The following NMT2 variants were observed in gnomAD, a reference collection of about 807,000 sequenced individuals.
NMT2 encodes glycylpeptide N-tetradecanoyltransferase 2.
In NMT2, 35 loss-of-function variants were observed where a neutral mutation model predicts 65.4. That is an observed-to-expected ratio of 0.54 (90% CI 0.41 to 0.71). The LOEUF (loss-of-function observed/expected upper bound fraction) is 0.71. Among genes scored for constraint, NMT2 ranks in the 30% least tolerant of loss-of-function variants. The probability of loss-of-function intolerance (pLI) is 0.00; values close to 1 mark genes in which losing one functional copy is unlikely to be tolerated. For synonymous variants in NMT2, 226 were observed against 231.8 expected (o/e 0.98, Z 0.23); for missense variants, 489 against 611.3 (o/e 0.80, Z 2.11).
At chr10:15,141,923 A>G (rs924341009) in intron 1 of NMT2, among the ~76,000 whole-genome samples, 2 of 152,232 alleles carry the variant, frequency 1.3e-5, no homozygotes, top group African/African-American at 4.8e-5. Flanking sequence ...CTCCATTATC[A>G]AGATCTCTTG....
intron 8 of NMT2, among the ~76,000 whole-genome samples, chr10:15,121,613 C>T (rs142295180): frequency 0.019 from 2,847 of 152,268 alleles, 83 homozygotes; most frequent in African/African-American, 0.065. Flanking sequence ...GTGATCTGCC[C>T]ACCTCGGCCT....
chr10:15,111,909 G>T (rs1337162510), intron 10 of NMT2: 1 of 151,614 alleles, frequency 6.6e-6, no homozygotes, highest in Non-Finnish European at 1.5e-5. Flanking sequence ...CAACTCCCAG[G>T]TTCAAGTAAT....
intron 1 of NMT2, among the ~76,000 whole-genome samples, chr10:15,158,560 T>G (rs1004992931): frequency 2.0e-4 from 30 of 152,298 alleles, no homozygotes; most frequent in African/African-American, 6.0e-4. Context: ...AAATCTTTAG[T>G]AAGTTACAAA....
In NMT2 at chr10:15,107,308, A is replaced by C. The variant is rs1170125590; in HGVS notation, c.*1887T>G. The stretch of plus-strand genomic sequence containing the variant: ...AAGCAATGGGCTGGATTTAGCCCAC[A>C]GGCCATAGTTTGGTGGCCCCTGCCT... On this transcript the variant is annotated 3_prime_UTR_variant, in exon 12 of 12. Coordinates refer to ENST00000378165, the MANE Select transcript of NMT2 (RefSeq NM_004808.3). 14 of 969,832 alleles carry C rather than the reference A, an allele frequency of 1.4e-5. No homozygotes were observed. The highest frequency in any genetic ancestry group is 1.7e-5 in the Non-Finnish European group (14 of 815,704). The allele number at this position is 969,832 out of a possible 1,614,324, so 60.1% of individuals were successfully genotyped here. A position where few individuals can be genotyped will look rare whatever the true frequency, so the allele number is the denominator to read the frequency against.
Position 15,108,159 on chromosome 10 carries a change from G to A in NMT2, c.*1036C>T, listed in dbSNP as rs1269892223. ...CTGAACTTTGCACAACAGCAGAAAA[G>A]TCTAGTTAGTCGCGGGTACAGGCTC... On this transcript the variant is annotated 3_prime_UTR_variant, in exon 12 of 12. Transcript: ENST00000378165. 1.0e-6 allele frequency: 1 copy of A among 983,312 alleles called. No individual in the cohort carries two copies. Among genetic ancestry groups the A allele is most frequent in the Non-Finnish European group, 1.2e-6 (1 of 829,560 alleles). 60.9% of individuals were successfully genotyped at this position (983,312 alleles called of 1,614,324 possible). A position where few individuals can be genotyped will look rare whatever the true frequency, so the allele number is the denominator to read the frequency against.
At chr10:15,126,208 C>T (rs955130758) in intron 8 of NMT2, among the ~76,000 whole-genome samples, 1 of 150,904 alleles carries the variant, frequency 6.6e-6, no homozygotes, top group Non-Finnish European at 1.5e-5. Context: ...GCGGGTGGAT[C>T]ACCTGAGGTC....
chr10:15,114,819 G>A (rs1382209120), intron 9 of NMT2, among the ~76,000 whole-genome samples: 2 of 152,066 alleles, frequency 1.3e-5, no homozygotes, highest in Admixed American at 6.6e-5. Flanking sequence ...CCTGGCCAAC[G>A]TGGTGAAACC....
chr10:15,107,383 C>G lies in NMT2; in HGVS notation c.*1812G>C. ...TGGACTCATAACTTGAAGGAAATGC[C>G]ATCATGTCTAAAACAATTAACTTCT... On this transcript the variant is annotated 3_prime_UTR_variant, in exon 12 of 12. Coordinates refer to ENST00000378165, the MANE Select transcript of NMT2 (RefSeq NM_004808.3). 1.0e-6 allele frequency: 1 copy of G among 985,454 alleles called. No homozygotes were observed. Among genetic ancestry groups the G allele is most frequent in the South Asian group, 4.7e-5 (1 of 21,290 alleles). The allele number at this position is 985,454 out of a possible 1,614,324, so 61.0% of individuals were successfully genotyped here. A position where few individuals can be genotyped will look rare whatever the true frequency, so the allele number is the denominator to read the frequency against.
intron 10 of NMT2, among the ~76,000 whole-genome samples, chr10:15,110,955 TA>T (rs1262486982): frequency 6.6e-6 from 1 of 151,984 alleles, no homozygotes; most frequent in African/African-American, 2.4e-5. Flanking sequence ...CATGCCCAGC[TA>T]ATTTCTTTGT....
At chr10:15,151,611 T>C (rs1001952891) in intron 1 of NMT2, among the ~76,000 whole-genome samples, 2 of 152,230 alleles carry the variant, frequency 1.3e-5, no homozygotes, top group African/African-American at 4.8e-5. Context: ...TTATATACAA[T>C]TGAAGATGAA....
intron 1 of NMT2, among the ~76,000 whole-genome samples, chr10:15,149,704 TC>T (rs1832738617): frequency 6.6e-6 from 1 of 152,050 alleles, no homozygotes; most frequent in South Asian, 2.1e-4. Flanking sequence ...ACTGTCACAC[TC>T]GGAGGTAAGT....
At chr10:15,135,475 G>A in intron 2 of NMT2, 57 bp from the exon 3 acceptor site, 1 of 1,581,162 alleles carries the variant, frequency 6.3e-7, no homozygotes, top group Non-Finnish European at 8.7e-7. Context: ...TGTTAAACTT[G>A]AGCAGACGCA....
At chr10:15,165,562 G>A (rs182030864) in intron 1 of NMT2, among the ~76,000 whole-genome samples, 2 of 152,024 alleles carry the variant, frequency 1.3e-5, no homozygotes, top group East Asian at 1.9e-4. Flanking sequence ...CCACTTCCAC[G>A]CTTGGGTGGA....
intron 1 of NMT2, among the ~76,000 whole-genome samples, chr10:15,144,611 G>A (rs1419813851): frequency 6.6e-6 from 1 of 152,098 alleles, no homozygotes; most frequent in African/African-American, 2.4e-5. Context: ...GGCGCCTGTA[G>A]TCCCAGCTAC....
Position 15,107,990 on chromosome 10 carries a change from G to GT in NMT2, c.*1204dup. 3 of 985,654 alleles carry GT rather than the reference G, an allele frequency of 3.0e-6. No individual in the cohort carries two copies. Among genetic ancestry groups the GT allele is most frequent in the Non-Finnish European group, 3.6e-6 (3 of 829,794 alleles). 61.1% of individuals were successfully genotyped at this position (985,654 alleles called of 1,614,324 possible). On this transcript the variant is annotated 3_prime_UTR_variant, in exon 12 of 12. Coordinates refer to ENST00000378165, the MANE Select transcript of NMT2 (RefSeq NM_004808.3). ...TTCATGATAAAATCAGCATAGAGGA[G>GT]TATGTGCAATTTTGCATAAGTAATA...
In NMT2 at chr10:15,109,695, C is replaced by A. The variant is rs373436990; in HGVS notation, c.1476+7G>T. 9 of 1,603,410 alleles carry A rather than the reference C, an allele frequency of 5.6e-6. No homozygotes were observed. The highest frequency in any genetic ancestry group is 6.0e-6 in the Non-Finnish European group (7 of 1,176,112). ...GAGTTTACAAGGGCTATATCCATTT[C>A]ACTTACCTTTTCAGAATCTGTACCT... On this transcript the variant is annotated splice_region_variant and intron_variant, in intron 11 of 11. Transcript: ENST00000378165.
chr10:15,118,756 A>G (rs1210355510), intron 9 of NMT2, among the ~76,000 whole-genome samples: 2 of 152,158 alleles, frequency 1.3e-5, no homozygotes, highest in African/African-American at 4.8e-5. Context: ...ATCTGACCAT[A>G]CCCACGTCTT....
intron 8 of NMT2, among the ~76,000 whole-genome samples, chr10:15,121,330 C>T (rs944255113): frequency 3.3e-5 from 5 of 152,174 alleles, no homozygotes; most frequent in Admixed American, 2.0e-4. Flanking sequence ...GAGGTCATCA[C>T]AATTCCTGCA....
In NMT2 at chr10:15,109,675, T is replaced by C. The variant is rs2131456962; in HGVS notation, c.1476+27A>G. On this transcript the variant is annotated intron_variant, in intron 11 of 11. Transcript: ENST00000378165. Reference sequence around the variant, plus strand: ...ATTGTCTAGGTACATTTGTTGAGTTTACAAGGGCTATATCCATTTCACTTA... The same window carrying C: ...ATTGTCTAGGTACATTTGTTGAGTTCACAAGGGCTATATCCATTTCACTTA... The C allele has an allele frequency of 1.9e-6, 3 of 1,550,048 alleles. No individual in the cohort carries two copies. The East Asian group carries it at 7.0e-5, about 36-fold the overall frequency.
Sources: gnomAD v4.1 joint callset for allele counts (sites outside exome capture counted in the v4.1 genomes callset) on GRCh38, gnomAD v4.1.1 for gene constraint, MANE v1.5 for transcripts, NCBI Gene and HGNC (gene_info 2026-07-23, HGNC 2026-07-21) for gene names.